The following PACSIN1 variants were observed in gnomAD, a reference collection of about 807,000 sequenced individuals.
The protein encoded by PACSIN1 is protein kinase C and casein kinase substrate in neurons protein 1.
A neutral mutation model predicts 59.5 loss-of-function variants in PACSIN1; 15 were observed. The ratio of observed to expected loss-of-function variants is 0.25; its 90% CI spans 0.17 to 0.39. The LOEUF is 0.39. PACSIN1 is among the 10% of genes least tolerant of loss of function. PACSIN1 has a pLI of 1.00. For synonymous variants in PACSIN1, 210 were observed against 220.6 expected (o/e 0.95, Z 0.42); for missense variants, 420 against 580.2 (o/e 0.72, Z 2.84).
At position 34,516,986 on chromosome 6, in the gene PACSIN1, C is replaced by T. The variant is rs1052007084; in HGVS notation, c.-63-9257C>T. On this transcript the variant is annotated intron_variant, in intron 1 of 9. Coordinates refer to ENST00000244458, the MANE Select transcript of PACSIN1 (RefSeq NM_020804.5). This position sits in a 1 kb window ranked among gnomAD's most constrained non-coding sequence, Gnocchi z 5.4. ...GCTGGCCCCTCCTCACTGCCCTTGA[C>T]CCCCGTGCAGGAGCTGGCAAGGGTG... Among the ~76,000 whole-genome samples the T allele has an allele frequency of 6.6e-6, 1 of 152,174 alleles. No homozygotes were observed. Among genetic ancestry groups the T allele is most frequent in the African/African-American group, 2.4e-5 (1 of 41,448 alleles).
At chr6:34,522,055 AAG>A (rs1267865455) in intron 1 of PACSIN1, among the ~76,000 whole-genome samples, 1 of 152,148 alleles carries the variant, frequency 6.6e-6, no homozygotes, top group Non-Finnish European at 1.5e-5. Context: ...CAAGAAGAAA[AAG>A]AGGAAGCCCC....
chr6:34,503,549 G>A (rs777476794), intron 1 of PACSIN1, among the ~76,000 whole-genome samples: 3 of 152,084 alleles, frequency 2.0e-5, no homozygotes, highest in Admixed American at 6.5e-5. Flanking sequence ...CTGTGGTTGC[G>A]AGTACCCTTG....
Position 34,531,826 on chromosome 6 carries a change from G to A in PACSIN1, c.1225+39G>A. The stretch of plus-strand genomic sequence containing the variant: ...GCGGGGCAGTGCCTGAGAGAGGCTT[G>A]GGCCTGGATTGGGTGTGTGGTGGTG... On this transcript the variant is annotated intron_variant, in intron 9 of 9. Coordinates refer to ENST00000244458, the MANE Select transcript of PACSIN1 (RefSeq NM_020804.5). The surrounding 1 kb of genome is among the most constrained non-coding windows in gnomAD (Gnocchi z 4.4). The A allele has an allele frequency of 1.3e-6, 2 of 1,528,718 alleles. No individual in the cohort carries two copies. Among genetic ancestry groups the A allele is most frequent in the Non-Finnish European group, 1.8e-6 (2 of 1,136,492 alleles). 94.7% of individuals were successfully genotyped at this position (1,528,718 alleles called of 1,614,324 possible).
rs1325171556 is a variant in PACSIN1, at chr6:34,529,672, G to A, written c.619G>A (p.Glu207Lys). ...KCKQDVQKTQ[E>K]KYEKVLEDVG... ...TCCACTCTGGTGCCCACAGACACAG[G>A]AGAAGTATGAGAAAGTGCTGGAAGA... Residue 207 changes from glutamate to lysine, a missense_variant, in exon 6 of 10, where the codon GAG (glutamate) becomes AAG (lysine). Glu to Lys is a moderately conservative substitution (Grantham distance 56, BLOSUM62 1). Coordinates refer to ENST00000244458, the MANE Select transcript of PACSIN1 (RefSeq NM_020804.5). The surrounding 1 kb of genome is among the most constrained non-coding windows in gnomAD (Gnocchi z 6.3). 6.2e-7 allele frequency: 1 copy of A among 1,614,072 alleles called. No individual in the cohort carries two copies. The highest frequency in any genetic ancestry group is 2.2e-5 in the East Asian group (1 of 44,884).
chr6:34,530,094 G>C lies in PACSIN1; in HGVS notation c.789-149G>C, dbSNP rs1767563582. On this transcript the variant is annotated intron_variant, in intron 6 of 9. Coordinates refer to ENST00000244458, the MANE Select transcript of PACSIN1 (RefSeq NM_020804.5). The surrounding 1 kb of genome is among the most constrained non-coding windows in gnomAD (Gnocchi z 4.4). Reference sequence around the variant, plus strand: ...AAAAGGAGTCCACCGAGCATGCCCGGAGCTTATTCTTGCAAAGCCCACATG... The same window carrying C: ...AAAAGGAGTCCACCGAGCATGCCCGCAGCTTATTCTTGCAAAGCCCACATG... The C allele has an allele frequency of 1.8e-6, 2 of 1,141,666 alleles. No individual in the cohort carries two copies. Among genetic ancestry groups the C allele is most frequent in the African/African-American group, 3.1e-5 (2 of 63,780 alleles). The allele number at this position is 1,141,666 out of a possible 1,614,324, so 70.7% of individuals were successfully genotyped here. A position where few individuals can be genotyped will look rare whatever the true frequency, so the allele number is the denominator to read the frequency against.
intron 1 of PACSIN1, among the ~76,000 whole-genome samples, chr6:34,512,819 T>C (rs930198074): frequency 6.6e-6 from 1 of 152,234 alleles, no homozygotes; most frequent in African/African-American, 2.4e-5. Flanking sequence ...CAGATCTTTC[T>C]TAATGGAATC....
intron 1 of PACSIN1, among the ~76,000 whole-genome samples, chr6:34,495,259 G>A (rs1458512111): frequency 6.6e-6 from 1 of 152,106 alleles, no homozygotes; most frequent in Non-Finnish European, 1.5e-5. Flanking sequence ...TTTGGTTGTT[G>A]GAAATGGTGA....
intron 1 of PACSIN1, among the ~76,000 whole-genome samples, chr6:34,476,409 C>G (rs1027440250): frequency 1.3e-5 from 2 of 152,108 alleles, no homozygotes; most frequent in African/African-American, 4.8e-5. Context: ...AGCCCCTTCC[C>G]CAGCCCTCCC....
intron 1 of PACSIN1, among the ~76,000 whole-genome samples, chr6:34,502,756 G>A (rs1415392339): frequency 2.6e-5 from 4 of 152,068 alleles, no homozygotes; most frequent in Admixed American, 6.5e-5. Flanking sequence ...GTGAGCCACC[G>A]CGCCTGGCCG....
intron 1 of PACSIN1, among the ~76,000 whole-genome samples, chr6:34,502,698 C>G (rs1767043200): frequency 6.6e-6 from 1 of 151,920 alleles, no homozygotes; most frequent in South Asian, 2.1e-4. Context: ...GATCTCCTGA[C>G]CTTGTGATCT....
At position 34,529,592 on chromosome 6, in the gene PACSIN1, C is replaced by T. The variant is rs1767553157; in HGVS notation, c.612+40C>T. 6.2e-7 allele frequency: 1 copy of T among 1,612,612 alleles called. No individual in the cohort carries two copies. Among genetic ancestry groups the T allele is most frequent in the African/African-American group, 1.3e-5 (1 of 74,846 alleles). On this transcript the variant is annotated intron_variant, in intron 5 of 9. Coordinates refer to ENST00000244458, the MANE Select transcript of PACSIN1 (RefSeq NM_020804.5). This position sits in a 1 kb window ranked among gnomAD's most constrained non-coding sequence, Gnocchi z 6.3. ...GGATGGCAGTAGGGGGTCTGGGGGC[C>T]CCTTGCAGAGGGTGGTGGCTGGGAG...
intron 1 of PACSIN1, among the ~76,000 whole-genome samples, chr6:34,503,324 G>C (rs889351020): frequency 2.0e-5 from 3 of 151,818 alleles, no homozygotes; most frequent in Non-Finnish European, 4.4e-5. Context: ...ATTCCCAGGA[G>C]CTATGTGACT....
chr6:34,470,195 A>T (rs996994946), intron 1 of PACSIN1, among the ~76,000 whole-genome samples: 3 of 151,830 alleles, frequency 2.0e-5, no homozygotes, highest in Admixed American at 1.3e-4. Flanking sequence ...TATTATTATT[A>T]TTTTTGAGAC....
In PACSIN1 at chr6:34,529,881, C is replaced by A. The variant is rs768623277; in HGVS notation, c.788+40C>A. ...CAGGCACCGAGGGCACAGGCACAGC[C>A]AGCAGATGGTGTGACTGGCATGCAG... On this transcript the variant is annotated intron_variant, in intron 6 of 9. Coordinates refer to ENST00000244458, the MANE Select transcript of PACSIN1 (RefSeq NM_020804.5). This position sits in a 1 kb window ranked among gnomAD's most constrained non-coding sequence, Gnocchi z 6.3. 7 of 1,595,010 alleles carry A rather than the reference C, an allele frequency of 4.4e-6. No individual in the cohort carries two copies. In the African/African-American group the frequency reaches 8.1e-5, roughly 18 times the overall value.
intron 1 of PACSIN1, among the ~76,000 whole-genome samples, chr6:34,482,409 T>C (rs1378696703): frequency 6.6e-6 from 1 of 152,148 alleles, no homozygotes; most frequent in African/African-American, 2.4e-5. Context: ...CTTAGTATAA[T>C]GTTTTTAAGG....
intron 2 of PACSIN1, 137 bp from the exon 3 acceptor site, chr6:34,527,195 G>T (rs1379439955): frequency 2.3e-6 from 2 of 879,174 alleles, no homozygotes; most frequent in African/African-American, 1.8e-5. Context: ...GCGGGGGGCG[G>T]GGGCGGGGGC....
intron 1 of PACSIN1, among the ~76,000 whole-genome samples, chr6:34,491,112 C>T (rs1378607497): frequency 2.0e-5 from 3 of 152,076 alleles, no homozygotes; most frequent in Non-Finnish European, 4.4e-5. Context: ...GTTTTACGCT[C>T]CCCTCATAAC....
intron 1 of PACSIN1, among the ~76,000 whole-genome samples, chr6:34,502,688 G>A (rs528920082): frequency 4.1e-4 from 62 of 151,858 alleles, no homozygotes; most frequent in African/African-American, 1.3e-3. Flanking sequence ...GGATGGTCTC[G>A]ATCTCCTGAC....
chr6:34,511,621 C>T (rs1767204799), intron 1 of PACSIN1, among the ~76,000 whole-genome samples: 1 of 152,174 alleles, frequency 6.6e-6, no homozygotes, highest in African/African-American at 2.4e-5. Context: ...GTACCCACCC[C>T]ACATGCTTAG....
Sources: gnomAD v4.1 joint callset for allele counts (sites outside exome capture counted in the v4.1 genomes callset) on GRCh38, gnomAD v4.1.1 for gene constraint, Gnocchi (gnomAD v3.1) non-coding constraint, MANE v1.5 for transcripts, NCBI Gene and HGNC (gene_info 2026-07-23, HGNC 2026-07-21) for gene names.